Variants in SAMD3 observed in about 807,000 individuals in gnomAD.
The protein encoded by SAMD3 is sterile alpha motif domain containing 3.
In SAMD3, 63 loss-of-function variants were observed where a neutral mutation model predicts 58.5. That is an observed-to-expected ratio of 1.08 (90% CI 0.88 to 1.33). SAMD3 has a LOEUF of 1.33. Among genes scored for constraint, SAMD3 ranks in the 40% most tolerant of loss-of-function variants. The pLI is 0.00. For missense variants in SAMD3, 604 were observed against 608.4 expected (o/e 0.99, Z 0.08); for synonymous variants, 220 against 210.3 (o/e 1.05, Z -0.40).
At chr6:130,311,824 G>A (rs2169828) in intron 2 of SAMD3, among the ~76,000 whole-genome samples, 1 of 152,076 alleles carries the variant, frequency 6.6e-6, no homozygotes, top group Non-Finnish European at 1.5e-5. Flanking sequence ...CTCTGTTTGG[G>A]TGGATAGCTA....
intron 5 of SAMD3, among the ~76,000 whole-genome samples, chr6:130,208,019 T>G (rs1482227282): frequency 6.6e-6 from 1 of 152,172 alleles, no homozygotes; most frequent in Non-Finnish European, 1.5e-5. Context: ...GGTGGCTAGG[T>G]CCTGTGCTGA....
chr6:130,328,956 G>A (rs1285960634), intron 1 of SAMD3, among the ~76,000 whole-genome samples: 2 of 151,708 alleles, frequency 1.3e-5, no homozygotes, highest in African/African-American at 4.8e-5. Context: ...AGTGTCAGAG[G>A]GAAACGAGAA....
intron 7 of SAMD3, among the ~76,000 whole-genome samples, chr6:130,177,500 C>T (rs1241907115): frequency 2.0e-5 from 3 of 152,098 alleles, no homozygotes; most frequent in Non-Finnish European, 4.4e-5. Context: ...AAAGCTTTAT[C>T]CCTCTGTTCC....
intron 1 of SAMD3, among the ~76,000 whole-genome samples, chr6:130,349,440 C>T (rs1370563928): frequency 2.6e-5 from 4 of 152,168 alleles, no homozygotes; most frequent in Admixed American, 1.3e-4. Flanking sequence ...TCAGAGAATA[C>T]TATAAAGACC....
chr6:130,348,996 T>A (rs1229125885), intron 1 of SAMD3, among the ~76,000 whole-genome samples: 1 of 151,704 alleles, frequency 6.6e-6, no homozygotes, highest in East Asian at 1.9e-4. Context: ...CATAACGAAA[T>A]GAAGGCAGAA....
intron 1 of SAMD3, among the ~76,000 whole-genome samples, chr6:130,339,084 T>C (rs1416187905): frequency 6.6e-6 from 1 of 152,164 alleles, no homozygotes; most frequent in African/African-American, 2.4e-5. Context: ...TCTCCCTTTG[T>C]TGCCCAGGCT....
chr6:130,208,347 G>A (rs1053909170), intron 5 of SAMD3, among the ~76,000 whole-genome samples: 2 of 152,166 alleles, frequency 1.3e-5, no homozygotes, highest in Non-Finnish European at 1.5e-5. Context: ...TGGGTGGGAC[G>A]GCCGTGAAAT....
At chr6:130,273,603 A>ATTTT (rs142686259) in intron 2 of SAMD3, among the ~76,000 whole-genome samples, 241 of 149,854 alleles carry the variant, frequency 1.6e-3, no homozygotes, top group African/African-American at 4.0e-3. Context: ...CATTTTATTG[A>ATTTT]TTTTTTTTGT....
chr6:130,209,101 G>A (rs1289648390), intron 5 of SAMD3, among the ~76,000 whole-genome samples: 1 of 152,168 alleles, frequency 6.6e-6, no homozygotes, highest in African/African-American at 2.4e-5. Flanking sequence ...CCTCTATCGG[G>A]AGAGTCAAGT....
chr6:130,321,415 C>T (rs1303472639), intron 1 of SAMD3, among the ~76,000 whole-genome samples: 1 of 152,120 alleles, frequency 6.6e-6, no homozygotes, highest in Non-Finnish European at 1.5e-5. Context: ...CTCCTTGATT[C>T]ACAGGCACCC....
rs1057155851 is a variant in SAMD3 at position 130,239,799 on chromosome 6, C to G, written c.-187-16986G>C. Among the ~76,000 whole-genome samples the G allele has an allele frequency of 3.3e-5, 5 of 152,180 alleles. No homozygotes were observed. The South Asian group carries it at 6.2e-4, about 19-fold the overall frequency. On this transcript the variant is annotated intron_variant, in intron 2 of 13. Transcript: ENST00000368134. ...GCTCCAAACTTCTCTTCTTTCCTTT[C>G]CACTGCAGAAATTTGGTTCCTGGAC...
intron 8 of SAMD3, among the ~76,000 whole-genome samples, chr6:130,173,118 AG>A (rs1791396540): frequency 6.6e-6 from 1 of 152,142 alleles, no homozygotes; most frequent in South Asian, 2.1e-4. Flanking sequence ...CAAGGTTCTT[AG>A]CTTCCTTGCT....
intron 5 of SAMD3, among the ~76,000 whole-genome samples, chr6:130,192,633 C>A (rs958377750): frequency 6.6e-6 from 1 of 152,128 alleles, no homozygotes; most frequent in African/African-American, 2.4e-5. Flanking sequence ...GACTCAGCCA[C>A]CAGCACCCAG....
At chr6:130,217,653 A>G (rs1796070564) in intron 1 of SAMD3, among the ~76,000 whole-genome samples, 1 of 152,264 alleles carries the variant, frequency 6.6e-6, no homozygotes, top group South Asian at 2.1e-4. Flanking sequence ...AACGTGATTT[A>G]TAATCTTCAA....
intron 8 of SAMD3, among the ~76,000 whole-genome samples, chr6:130,155,275 C>T (rs947886530): frequency 1.3e-5 from 2 of 152,136 alleles, no homozygotes; most frequent in Non-Finnish European, 2.9e-5. Context: ...CTACGTTATC[C>T]TTTTATATAG....
intron 9 of SAMD3, among the ~76,000 whole-genome samples, chr6:130,151,707 C>T (rs2114569318): frequency 6.6e-6 from 1 of 152,290 alleles, no homozygotes; most frequent in South Asian, 2.1e-4. Context: ...TCCCAAAGTG[C>T]TGGGATTACA....
chr6:130,218,747 C>T (rs139644026), intron 1 of SAMD3, among the ~76,000 whole-genome samples: 76 of 152,058 alleles, frequency 5.0e-4, no homozygotes, highest in Non-Finnish European at 8.4e-4. Flanking sequence ...AAATAATGGA[C>T]ATAGTTTAGA....
intron 1 of SAMD3, among the ~76,000 whole-genome samples, chr6:130,356,286 C>G: frequency 6.6e-6 from 1 of 152,166 alleles, no homozygotes; most frequent in East Asian, 1.9e-4. Context: ...TACACATACC[C>G]AGAACACTCT....
At chr6:130,308,426 TTC>T (rs1375625435) in intron 2 of SAMD3, among the ~76,000 whole-genome samples, 14 of 142,202 alleles carry the variant, frequency 9.8e-5, no homozygotes, top group Non-Finnish European at 1.9e-4. Flanking sequence ...TTCTATTCTA[TTC>T]TATTCTATTC....
Sources: allele counts gnomAD v4.1 joint callset (sites outside exome capture counted in the v4.1 genomes callset), GRCh38; gene constraint gnomAD v4.1.1; transcripts MANE v1.5; gene names NCBI Gene and HGNC (gene_info 2026-07-23, HGNC 2026-07-21).